The following DOK6 variants were observed in gnomAD, a reference collection of about 807,000 sequenced individuals.
The protein encoded by DOK6 is docking protein 6, also known as downstream of tyrosine kinase 6.
A neutral mutation model predicts 44.0 loss-of-function variants in DOK6; 22 were observed. The ratio of observed to expected loss-of-function variants is 0.50; its 90% CI spans 0.36 to 0.71. The LOEUF (loss-of-function observed/expected upper bound fraction) is 0.71. DOK6 is among the 30% of genes least tolerant of loss of function. DOK6 has a pLI of 0.00. For synonymous variants in DOK6, 166 were observed against 145.5 expected (o/e 1.14, Z -1.01); for missense variants, 340 against 416.4 (o/e 0.82, Z 1.60).
At chr18:69,589,362 T>TA in intron 2 of DOK6, among the ~76,000 whole-genome samples, 1 of 152,038 alleles carries the variant, frequency 6.6e-6, no homozygotes, top group Admixed American at 6.5e-5. Context: ...TTGACTTAAT[T>TA]AAAACAACCA....
chr18:69,647,060 T>TATCTGTCTATCCC (rs1555719736), intron 3 of DOK6, among the ~76,000 whole-genome samples: 15 of 137,446 alleles, frequency 1.1e-4, no homozygotes, highest in Admixed American at 3.0e-4. Context: ...CTGTCTATCC[T>TATCTGTCTATCCC]ATCTGTCTAT....
chr18:69,592,478 G>A (rs1386989358), intron 2 of DOK6, among the ~76,000 whole-genome samples: 2 of 152,002 alleles, frequency 1.3e-5, no homozygotes, highest in East Asian at 3.9e-4. Context: ...GAATTGCTTA[G>A]GGATTTCTCT....
chr18:69,445,375 G>A (rs939419975), intron 1 of DOK6, among the ~76,000 whole-genome samples: 2 of 152,264 alleles, frequency 1.3e-5, no homozygotes, highest in East Asian at 3.9e-4. Context: ...CCTAGTCTTA[G>A]AGGGAAGGTT....
intron 7 of DOK6, among the ~76,000 whole-genome samples, chr18:69,781,741 G>A (rs1028710015): frequency 2.6e-5 from 4 of 152,080 alleles, no homozygotes; most frequent in African/African-American, 9.7e-5. Flanking sequence ...TTATGCAAAT[G>A]ACATCATTTG....
chr18:69,792,884 T>C (rs1251291844), intron 7 of DOK6, among the ~76,000 whole-genome samples: 4 of 152,136 alleles, frequency 2.6e-5, no homozygotes, highest in African/African-American at 9.7e-5. Flanking sequence ...ATGCAAATTA[T>C]AGAAAAACAA....
At chr18:69,656,248 G>T (rs1281681171) in intron 3 of DOK6, among the ~76,000 whole-genome samples, 2 of 152,052 alleles carry the variant, frequency 1.3e-5, no homozygotes, top group African/African-American at 2.4e-5. Context: ...GAATAGTAAG[G>T]GTAGCAAGAA....
intron 5 of DOK6, among the ~76,000 whole-genome samples, chr18:69,735,492 C>A (rs192647365): frequency 2.8e-4 from 42 of 152,368 alleles, no homozygotes; most frequent in African/African-American, 9.9e-4. Flanking sequence ...CAGGCAAAAC[C>A]TTCCAAGGCC....
chr18:69,694,314 C>A (rs1986345120), intron 4 of DOK6, among the ~76,000 whole-genome samples: 1 of 151,744 alleles, frequency 6.6e-6, no homozygotes, highest in African/African-American at 2.4e-5. Context: ...GTATCTCAGG[C>A]CTTCCCTGGG....
At chr18:69,744,925 TAAAAAAAAAAAA>T (rs58133144) in intron 6 of DOK6, among the ~76,000 whole-genome samples, 1 of 89,808 alleles carries the variant, frequency 1.1e-5, no homozygotes, top group African/African-American at 4.7e-5. Flanking sequence ...ACACTCCATC[TAAAAAAAAAAAA>T]AAAAAAAAAA....
intron 7 of DOK6, among the ~76,000 whole-genome samples, chr18:69,768,982 T>TGTGTGTGTGTGTGTGTGTGTG (rs1555669805): frequency 6.0e-5 from 9 of 151,040 alleles, no homozygotes; most frequent in Non-Finnish European, 8.9e-5. Context: ...TGTGTGTGTG[T>TGTGTGTGTGTGTGTGTGTGTG]TGAATGCCTG....
chr18:69,684,519 A>AT (rs112682994), intron 4 of DOK6, among the ~76,000 whole-genome samples: 2 of 152,306 alleles, frequency 1.3e-5, no homozygotes, highest in African/African-American at 4.8e-5. Context: ...AGAAAAGCTT[A>AT]TGGGGGAGAA....
chr18:69,789,223 A>G (rs948995892), intron 7 of DOK6, among the ~76,000 whole-genome samples: 1 of 152,186 alleles, frequency 6.6e-6, no homozygotes, highest in African/African-American at 2.4e-5. Context: ...CATAGGCTTA[A>G]TGGAAATTAT....
At chr18:69,781,954 G>T (rs1980281289) in intron 7 of DOK6, among the ~76,000 whole-genome samples, 1 of 152,118 alleles carries the variant, frequency 6.6e-6, no homozygotes, top group East Asian at 1.9e-4. Flanking sequence ...TTCTGGAATT[G>T]GGCAGTTTAT....
intron 5 of DOK6, among the ~76,000 whole-genome samples, chr18:69,726,653 A>G (rs1978309417): frequency 6.6e-6 from 1 of 151,466 alleles, no homozygotes; most frequent in Admixed American, 6.6e-5. Flanking sequence ...ATGTACATGT[A>G]TGTATATGTG....
intron 1 of DOK6, among the ~76,000 whole-genome samples, chr18:69,465,297 A>G (rs891593940): frequency 3.4e-4 from 51 of 152,126 alleles, no homozygotes; most frequent in African/African-American, 1.2e-3. Flanking sequence ...ACTATATAAA[A>G]TAAAATTTAT....
intron 7 of DOK6, among the ~76,000 whole-genome samples, chr18:69,810,975 G>A (rs1453543691): frequency 2.6e-5 from 4 of 151,982 alleles, no homozygotes; most frequent in African/African-American, 9.7e-5. Flanking sequence ...AATGAAATCA[G>A]TACATCAAAG....
chr18:69,521,961 C>T (rs1006634108), intron 1 of DOK6, among the ~76,000 whole-genome samples: 1 of 151,762 alleles, frequency 6.6e-6, no homozygotes, highest in Non-Finnish European at 1.5e-5. Context: ...ATAAAATCTC[C>T]CAAACTGTTT....
intron 7 of DOK6, among the ~76,000 whole-genome samples, chr18:69,764,506 C>T (rs12104080): frequency 0.75 from 114,189 of 151,954 alleles, 43,731 homozygotes; most frequent in East Asian, 0.87. Context: ...CTGATGGTTT[C>T]ATAAGGAGCT....
At chr18:69,540,534 A>G (rs1982240887) in intron 1 of DOK6, among the ~76,000 whole-genome samples, 1 of 152,212 alleles carries the variant, frequency 6.6e-6, no homozygotes. Flanking sequence ...TCCTTGTATT[A>G]AGTCATAATC....
Sources: gnomAD v4.1 joint callset for allele counts (sites outside exome capture counted in the v4.1 genomes callset) on GRCh38, gnomAD v4.1.1 for gene constraint, MANE v1.5 for transcripts, NCBI Gene and HGNC (gene_info 2026-07-23, HGNC 2026-07-21) for gene names.